TNFRSF1B: variants seen among roughly 807,000 people sequenced by gnomAD.
TNFRSF1B encodes the protein tumor necrosis factor receptor superfamily member 1B.
A neutral mutation model predicts 44.6 loss-of-function variants in TNFRSF1B; 19 were observed. The ratio of observed to expected loss-of-function variants is 0.43; its 90% CI spans 0.30 to 0.62. The LOEUF is 0.62. Among genes scored for constraint, TNFRSF1B ranks in the 20% least tolerant of loss-of-function variants. The pLI, the probability that TNFRSF1B is intolerant of heterozygous loss-of-function variation, is 0.16. For missense variants in TNFRSF1B, 541 were observed against 619.9 expected (o/e 0.87, Z 1.35); for synonymous variants, 252 against 261.1 (o/e 0.97, Z 0.34).
In TNFRSF1B at chr1:12,196,709, G is replaced by A. The variant is rs550157174; in HGVS notation, c.900+2091G>A. Among the ~76,000 whole-genome samples the A allele has an allele frequency of 2.4e-3, 364 of 152,332 alleles. 3 individuals are homozygous for A. The highest frequency in any genetic ancestry group is 6.5e-4 in the Non-Finnish European group (44 of 68,038). On this transcript the variant is annotated intron_variant, in intron 8 of 9. Transcript: ENST00000376259. Reference sequence around the variant, plus strand: ...CCCTGCCCTACAGTATTTCAGTGGGGAGGAAATTTTCTCATTCCCCGGCGA... The same window carrying A: ...CCCTGCCCTACAGTATTTCAGTGGGAAGGAAATTTTCTCATTCCCCGGCGA...
chr1:12,167,178 C>A lies in TNFRSF1B; in HGVS notation c.78+9C>A. On this transcript the variant is annotated intron_variant, in intron 1 of 9. Transcript: ENST00000376259. ...ACGCCTTGCCCGCCCAGGTGGGTGA[C>A]TCGCGCGGCCCACGGGGGACAGCCG... The A allele has an allele frequency of 7.9e-7, 1 of 1,265,116 alleles. No homozygotes were observed. The highest frequency in any genetic ancestry group is 1.0e-6 in the Non-Finnish European group (1 of 1,003,444). 78.4% of individuals were successfully genotyped at this position (1,265,116 alleles called of 1,614,324 possible). A position where few individuals can be genotyped will look rare whatever the true frequency, so the allele number is the denominator to read the frequency against.
rs1557629265 is a variant in TNFRSF1B, at chr1:12,183,750, TAGCTAG to T, written c.79-5045_79-5040del. On this transcript the variant is annotated intron_variant, in intron 1 of 9. Transcript: ENST00000376259. Reference sequence around the variant, plus strand: ...CTATCTATCTATCTATCTATCTATCTAGCTAGCTAGCTAGCTAGCTATCTATTCTAT... The same window carrying T: ...CTATCTATCTATCTATCTATCTATCTCTAGCTAGCTAGCTATCTATTCTAT... 5.6e-3 allele frequency among the ~76,000 whole-genome samples: 604 copies of T among 106,944 alleles called. 8 individuals are homozygous for T. The highest frequency in any genetic ancestry group is 0.012 in the South Asian group (37 of 3,054). The allele number at this position is 106,944 out of a possible 152,430, so 70.2% of individuals were successfully genotyped here. A position where few individuals can be genotyped will look rare whatever the true frequency, so the allele number is the denominator to read the frequency against.
chr1:12,194,138 G>A, intron 7 of TNFRSF1B, 106 bp downstream of exon 7: 1 of 881,590 alleles, frequency 1.1e-6, no homozygotes. Context: ...AGACAGAGCT[G>A]GATATGGGGG....
At chr1:12,183,956 T>C (rs1435943879) in intron 1 of TNFRSF1B, among the ~76,000 whole-genome samples, 1 of 152,164 alleles carries the variant, frequency 6.6e-6, no homozygotes, top group African/African-American at 2.4e-5. Flanking sequence ...CCCTCAACAG[T>C]GATTTTCAAT....
intron 9 of TNFRSF1B, among the ~76,000 whole-genome samples, chr1:12,206,401 A>G (rs1237320530): frequency 6.6e-6 from 1 of 151,224 alleles, no homozygotes; most frequent in Admixed American, 6.6e-5. Context: ...GGGTCTCACT[A>G]TGTTGCCCAG....
In TNFRSF1B at chr1:12,202,055, C is replaced by T; in HGVS notation, c.989C>T (p.Ser330Phe). 1 of 1,608,456 alleles carries T rather than the reference C, an allele frequency of 6.2e-7. No individual in the cohort carries two copies. The highest frequency in any genetic ancestry group is 8.5e-7 in the Non-Finnish European group (1 of 1,177,968). The change falls in exon 9 of 10, where the codon TCC becomes TTC. Residue 330 changes from serine to phenylalanine, a missense_variant. Physicochemically the swap from Ser to Phe is radical, Grantham distance 155. Coordinates refer to ENST00000376259, the MANE Select transcript of TNFRSF1B (RefSeq NM_001066.3). ...ACAGCGCCGAGCTCCAGCAGCAGCT[C>T]CCTGGAGAGCTCGGCCAGTGCGTTG... ...LITAPSSSSSSLESSASALDR... is the reference protein window; with the variant it reads ...LITAPSSSSSFLESSASALDR...
chr1:12,193,142 T>G, intron 6 of TNFRSF1B, 44 bp downstream of exon 6: 1 of 1,493,390 alleles, frequency 6.7e-7, no homozygotes, highest in South Asian at 1.2e-5. Flanking sequence ...TCTGTCTGCC[T>G]GTCTTTCTGT....
intron 9 of TNFRSF1B, 132 bp downstream of exon 9, chr1:12,202,303 C>T (rs745361104): frequency 6.9e-5 from 95 of 1,371,562 alleles, no homozygotes; most frequent in African/African-American, 8.7e-5. Context: ...GAACTTCCTT[C>T]GGTTCGCTGA....
At position 12,168,581 on chromosome 1, in the gene TNFRSF1B, C is replaced by A. The variant is rs1638447127; in HGVS notation, c.78+1412C>A. On this transcript the variant is annotated intron_variant, in intron 1 of 9. Transcript: ENST00000376259. The surrounding 1 kb of genome is among the most constrained non-coding windows in gnomAD (Gnocchi z 4.7). ...CTGAGCTTGGGCCTGCCTGGGTGAA[C>A]TCTGGGGTCATGTGAGCCCCTGGAT... 6.6e-6 allele frequency among the ~76,000 whole-genome samples: 1 copy of A among 152,150 alleles called. No homozygotes were observed. Among genetic ancestry groups the A allele is most frequent in the African/African-American group, 2.4e-5 (1 of 41,428 alleles).
intron 1 of TNFRSF1B, among the ~76,000 whole-genome samples, chr1:12,173,424 G>C (rs958923245): frequency 6.6e-6 from 1 of 152,138 alleles, no homozygotes. Flanking sequence ...AGGCTCCAGG[G>C]CCATCAAGAA....
chr1:12,203,855 G>T (rs1173934312), intron 9 of TNFRSF1B, among the ~76,000 whole-genome samples: 1 of 152,134 alleles, frequency 6.6e-6, no homozygotes, highest in South Asian at 2.1e-4. Flanking sequence ...TCAGCTTCCC[G>T]AGTAGGCGGG....
intron 1 of TNFRSF1B, among the ~76,000 whole-genome samples, chr1:12,182,292 C>A (rs1638829499): frequency 6.6e-6 from 1 of 152,172 alleles, no homozygotes; most frequent in Non-Finnish European, 1.5e-5. Flanking sequence ...TGCTCTACTG[C>A]TGCTTTCGTT....
chr1:12,193,173 T>C (rs1639189197), intron 6 of TNFRSF1B, 75 bp downstream of exon 6: 2 of 1,372,570 alleles, frequency 1.5e-6, no homozygotes, highest in African/African-American at 1.4e-5. Flanking sequence ...TCCTCTCCCA[T>C]GGTTTTACTG....
At position 12,183,699 on chromosome 1, in the gene TNFRSF1B, TCTATCTATCTATTCTATCTACCTA is replaced by T. The variant is rs1383744760; in HGVS notation, c.79-5096_79-5073del. 9.8e-5 allele frequency among the ~76,000 whole-genome samples: 10 copies of T among 102,258 alleles called. 1 individual carries two copies. The highest frequency in any genetic ancestry group is 1.9e-4 in the Admixed American group (2 of 10,788). 67.1% of individuals were successfully genotyped at this position (102,258 alleles called of 152,430 possible). ...ATCTATCTATCTATCTATCTATCTA[TCTATCTATCTATTCTATCTACCTA>T]TCTATCTATCTATCTATCTATCTAT... On this transcript the variant is annotated intron_variant, in intron 1 of 9. Coordinates refer to ENST00000376259, the MANE Select transcript of TNFRSF1B (RefSeq NM_001066.3).
At chr1:12,192,083 G>A (rs1040467878) in intron 4 of TNFRSF1B, among the ~76,000 whole-genome samples, 160 bp downstream of exon 4, 3 of 152,192 alleles carry the variant, frequency 2.0e-5, no homozygotes, top group Admixed American at 6.5e-5. Context: ...CCTGTCCACC[G>A]TTCATTCTTC....
chr1:12,203,002 G>C (rs140439214), intron 9 of TNFRSF1B, among the ~76,000 whole-genome samples: 1 of 152,220 alleles, frequency 6.6e-6, no homozygotes, highest in African/African-American at 2.4e-5. Flanking sequence ...GCTGCATTGT[G>C]CCCTGGACCT....
intron 1 of TNFRSF1B, among the ~76,000 whole-genome samples, chr1:12,181,594 G>A (rs944344308): frequency 6.6e-6 from 1 of 152,154 alleles, no homozygotes; most frequent in Non-Finnish European, 1.5e-5. Context: ...TATGCACATA[G>A]ACCCTCTAAC....
At chr1:12,192,308 A>AC (rs1639161217) in intron 4 of TNFRSF1B, 123 bp from the exon 5 acceptor site, 1 of 659,856 alleles carries the variant, frequency 1.5e-6, no homozygotes, top group Non-Finnish European at 2.6e-6. Flanking sequence ...GTGTGTGTGT[A>AC]AGGGGTGGAG....
chr1:12,207,356 GT>G lies in TNFRSF1B; in HGVS notation c.*342del. The G allele has an allele frequency of 3.1e-6, 1 of 318,048 alleles. No individual in the cohort carries two copies. Among genetic ancestry groups the G allele is most frequent in the Non-Finnish European group, 5.7e-6 (1 of 175,078 alleles). The allele number at this position is 318,048 out of a possible 1,614,324, so 19.7% of individuals were successfully genotyped here. A position where few individuals can be genotyped will look rare whatever the true frequency, so the allele number is the denominator to read the frequency against. Reference sequence around the variant, plus strand: ...CCAGCCTGGCTTCTGGAGCCCTTGGGTTTTTTGTTTGTTTGTTTGTTTGTTT... The same window carrying G: ...CCAGCCTGGCTTCTGGAGCCCTTGGGTTTTTGTTTGTTTGTTTGTTTGTTT... On this transcript the variant is annotated 3_prime_UTR_variant, in exon 10 of 10. Transcript: ENST00000376259.
Sources: gnomAD v4.1 joint callset for allele counts (sites outside exome capture counted in the v4.1 genomes callset) on GRCh38, gnomAD v4.1.1 for gene constraint, Gnocchi (gnomAD v3.1) non-coding constraint, MANE v1.5 for transcripts, NCBI Gene and HGNC (gene_info 2026-07-23, HGNC 2026-07-21) for gene names.